MCF2L2: variants seen among roughly 807,000 people sequenced by gnomAD.
MCF2L2 encodes MCF.2 cell line derived transforming sequence-like 2.
A neutral mutation model predicts 150.2 loss-of-function variants in MCF2L2; 102 were observed. The observed-to-expected ratio is 0.68, with a 90% CI of 0.58 to 0.80. The LOEUF (loss-of-function observed/expected upper bound fraction) is 0.80, where lower values mean the gene tolerates loss of function less well. MCF2L2 is among the 30% of genes least tolerant of loss of function. MCF2L2 has a pLI of 0.00. For synonymous variants in MCF2L2, 465 were observed against 491.3 expected (o/e 0.95, Z 0.71); for missense variants, 1,256 against 1,372.8 (o/e 0.91, Z 1.34).
chr3:183,196,941 A>G (rs750270871), intron 25 of MCF2L2, among the ~76,000 whole-genome samples: 24 of 152,178 alleles, frequency 1.6e-4, no homozygotes, highest in Non-Finnish European at 2.9e-4. Flanking sequence ...AATAAGTGTC[A>G]TATCTTCATA....
intron 5 of MCF2L2, among the ~76,000 whole-genome samples, chr3:183,336,540 C>T (rs1730488449): frequency 6.6e-6 from 1 of 151,968 alleles, no homozygotes; most frequent in Non-Finnish European, 1.5e-5. Flanking sequence ...AGACATGTAA[C>T]ACCACCCAAT....
At chr3:183,306,778 A>C (rs562490311) in intron 10 of MCF2L2, among the ~76,000 whole-genome samples, 1 of 152,318 alleles carries the variant, frequency 6.6e-6, no homozygotes, top group East Asian at 1.9e-4. Context: ...ACCCTCCAAC[A>C]AGATGACATC....
At chr3:183,410,404 TC>T (rs1436010192) in intron 1 of MCF2L2, among the ~76,000 whole-genome samples, 1 of 152,130 alleles carries the variant, frequency 6.6e-6, no homozygotes, top group Non-Finnish European at 1.5e-5. Flanking sequence ...ACCCCTCAGA[TC>T]ATTTGTTATC....
intron 15 of MCF2L2, among the ~76,000 whole-genome samples, chr3:183,273,950 C>T (rs1727002914): frequency 6.6e-6 from 1 of 152,168 alleles, no homozygotes; most frequent in African/African-American, 2.4e-5. Flanking sequence ...CGCCATGGCT[C>T]ACGCCTGTAA....
intron 14 of MCF2L2, 108 bp from the exon 15 acceptor site, chr3:183,277,065 A>G: frequency 1.5e-6 from 1 of 680,432 alleles, no homozygotes; most frequent in Non-Finnish European, 2.5e-6. Context: ...GTCTCTCGAT[A>G]AGCAAAATAT....
chr3:183,310,190 G>A (rs541620599), intron 9 of MCF2L2, among the ~76,000 whole-genome samples: 8 of 151,246 alleles, frequency 5.3e-5, no homozygotes, highest in East Asian at 3.9e-4. Context: ...GGGAGACCTC[G>A]TCTCTGCAAA....
intron 3 of MCF2L2, among the ~76,000 whole-genome samples, chr3:183,364,793 A>G (rs1712427768): frequency 6.6e-6 from 1 of 152,186 alleles, no homozygotes; most frequent in Non-Finnish European, 1.5e-5. Context: ...ACCTGGATAT[A>G]AATAAGTAAT....
rs575954333 is a variant in MCF2L2, at chr3:183,345,029, G to A, written c.276-3399C>T. The stretch of plus-strand genomic sequence containing the variant: ...TTAGATGGATTCAGAAAATTAACAA[G>A]GATATTCAGGACTTGAACTCAGCTC... On this transcript the variant is annotated intron_variant, in intron 3 of 29. Transcript: ENST00000328913. Among the ~76,000 whole-genome samples the A allele has an allele frequency of 1.3e-4, 20 of 152,166 alleles. No homozygotes were observed. The South Asian group carries it at 3.7e-3, about 28-fold the overall frequency.
chr3:183,374,194 C>T (rs1029377534), intron 3 of MCF2L2: 1 of 152,734 alleles, frequency 6.5e-6, no homozygotes, highest in Admixed American at 6.5e-5. Flanking sequence ...TTCCTGCTCA[C>T]TGTGCCTCAA....
At chr3:183,406,350 T>C (rs1048123327) in intron 1 of MCF2L2, among the ~76,000 whole-genome samples, 1 of 152,246 alleles carries the variant, frequency 6.6e-6, no homozygotes, top group Non-Finnish European at 1.5e-5. Flanking sequence ...CATCTGTATA[T>C]CTTATATCTT....
At chr3:183,194,152 C>T (rs1480904157) in intron 26 of MCF2L2, among the ~76,000 whole-genome samples, 2 of 152,166 alleles carry the variant, frequency 1.3e-5, no homozygotes, top group African/African-American at 4.8e-5. Context: ...GAGCCCTCAC[C>T]TTTTCCACTT....
rs1721522051 is a variant in MCF2L2 at position 183,181,525 on chromosome 3, G to C, written c.3017-1366C>G. Reference sequence around the variant, plus strand: ...ATGTGCCCCCTGCCTTCATCCTCCAGACAGGACTTGGGAGCATCTAAGGAA... The same window carrying C: ...ATGTGCCCCCTGCCTTCATCCTCCACACAGGACTTGGGAGCATCTAAGGAA... On this transcript the variant is annotated intron_variant, in intron 27 of 29. Coordinates refer to ENST00000328913, the MANE Select transcript of MCF2L2 (RefSeq NM_015078.4). This position sits in a 1 kb window ranked among gnomAD's most constrained non-coding sequence, Gnocchi z 4.3. Among the ~76,000 whole-genome samples, 1 of 152,148 alleles carries C rather than the reference G, an allele frequency of 6.6e-6. No homozygotes were observed. Among genetic ancestry groups the C allele is most frequent in the African/African-American group, 2.4e-5 (1 of 41,430 alleles).
chr3:183,191,505 C>T (rs1376398584), intron 27 of MCF2L2, among the ~76,000 whole-genome samples: 2 of 152,316 alleles, frequency 1.3e-5, no homozygotes, highest in Non-Finnish European at 2.9e-5. Flanking sequence ...GAGTGCCAAA[C>T]TTGACTGCCA....
intron 1 of MCF2L2, 93 bp downstream of exon 1, chr3:183,427,808 CG>C: frequency 9.2e-7 from 1 of 1,089,778 alleles, no homozygotes. Context: ...CGCGCTGCCC[CG>C]GGGCAGCGGG....
intron 3 of MCF2L2, chr3:183,372,444 G>A (rs1712944653): frequency 6.6e-6 from 1 of 152,116 alleles, no homozygotes; most frequent in Admixed American, 6.5e-5. Flanking sequence ...ACTTAAATAG[G>A]TCCCTCAACA....
At chr3:183,353,007 G>A (rs1711564038) in intron 3 of MCF2L2, among the ~76,000 whole-genome samples, 1 of 152,214 alleles carries the variant, frequency 6.6e-6, no homozygotes. Context: ...ACGATGAGAA[G>A]GAACATGGGT....
intron 22 of MCF2L2, among the ~76,000 whole-genome samples, chr3:183,211,525 C>T (rs1049502121): frequency 6.6e-6 from 1 of 152,224 alleles, no homozygotes; most frequent in African/African-American, 2.4e-5. Context: ...ACGGTGCTGA[C>T]CAAGGGCAGG....
intron 2 of MCF2L2, among the ~76,000 whole-genome samples, chr3:183,385,571 A>G (rs1449934296): frequency 6.6e-6 from 1 of 152,244 alleles, no homozygotes; most frequent in East Asian, 1.9e-4. Flanking sequence ...CAGGCAGAGA[A>G]AGGGAGCAAA....
chr3:183,320,964 T>C (rs2108518539), intron 6 of MCF2L2, among the ~76,000 whole-genome samples: 1 of 152,234 alleles, frequency 6.6e-6, no homozygotes, highest in African/African-American at 2.4e-5. Flanking sequence ...TGTTCTGTCT[T>C]AGAGAGTAGG....
Sources: allele counts gnomAD v4.1 joint callset (sites outside exome capture counted in the v4.1 genomes callset), GRCh38; gene constraint gnomAD v4.1.1; non-coding constraint Gnocchi (gnomAD v3.1); transcripts MANE v1.5; gene names NCBI Gene and HGNC (gene_info 2026-07-23, HGNC 2026-07-21).